COL1A2: variants seen among roughly 807,000 people sequenced by gnomAD.
COL1A2 encodes collagen alpha-2(I) chain.
In COL1A2, 49 loss-of-function variants were observed where a neutral mutation model predicts 174.3. The observed-to-expected ratio is 0.28, with a 90% CI of 0.22 to 0.36. COL1A2 has a LOEUF of 0.36. Among genes scored for constraint, COL1A2 ranks in the 10% least tolerant of loss-of-function variants. The probability of loss-of-function intolerance (pLI) is 1.00; values close to 1 mark genes in which losing one functional copy is unlikely to be tolerated. For missense variants in COL1A2, 1,438 were observed against 1,822.7 expected, an observed-to-expected ratio of 0.79 and a Z score of 3.84; for synonymous variants, 655 against 606.6, an observed-to-expected ratio of 1.08 and a Z score of -1.17.
chr7:94,406,182 A>G, intron 11 of COL1A2, 68 bp from the exon 12 acceptor site: 2 of 1,508,734 alleles, frequency 1.3e-6, no homozygotes, highest in Non-Finnish European at 1.8e-6. Context: ...GCAAAGATAT[A>G]CAATACAATT....
chr7:94,410,939 C>T lies in COL1A2; in HGVS notation c.1248C>T (p.Val416=), dbSNP rs776042293. 5.6e-6 allele frequency: 9 copies of T among 1,613,864 alleles called. No homozygotes were observed. In the South Asian group the frequency reaches 9.9e-5, roughly 18 times the overall value. Residue 416 remains valine, a synonymous_variant, in exon 22 of 52, where the codon GTC becomes GTT. Transcript: ENST00000297268. ...GLPGADGRAG[V]MGPPGSRGAS... is the part of the protein sequence containing the mutation. ...CTGGAGCTGATGGCAGAGCTGGCGT[C>T]ATGGTAAGCTGTCTATCACTTACTT... is the stretch of plus-strand genomic sequence containing the variant.
chr7:94,421,078 G>C lies in COL1A2; in HGVS notation c.2349+16G>C, dbSNP rs112603291. 7.3e-4 allele frequency: 1,172 copies of C among 1,613,732 alleles called. 9 individuals carry two copies. The African/African-American group carries it at 0.014, about 19-fold the overall frequency. ...AGGCCCCCCTGTGAGTATTTACAAT[G>C]GACTCTCGCCGCTTTTCTTTTTTCA... On this transcript the variant is annotated intron_variant, in intron 38 of 51. Coordinates refer to ENST00000297268, the MANE Select transcript of COL1A2 (RefSeq NM_000089.4).
intron 16 of COL1A2, 104 bp from the exon 17 acceptor site, chr7:94,409,218 T>G: frequency 9.5e-7 from 1 of 1,047,356 alleles, no homozygotes; most frequent in Non-Finnish European, 1.5e-6. Context: ...ATAATTGCAA[T>G]TTTGAAGTTT....
chr7:94,401,544 ATT>A (rs199593359), intron 5 of COL1A2, 21 bp from the exon 6 acceptor site: 184 of 947,742 alleles, frequency 1.9e-4, no homozygotes, highest in South Asian at 2.9e-4. Flanking sequence ...TATATATATA[ATT>A]TTTTTTTTTT....
chr7:94,412,776 C>T (rs1209977512), intron 25 of COL1A2, 94 bp downstream of exon 25: 2 of 1,110,880 alleles, frequency 1.8e-6, no homozygotes, highest in Non-Finnish European at 1.4e-6. Flanking sequence ...AGTCCAGTCT[C>T]AGGGAGTTTC....
intron 1 of COL1A2, chr7:94,395,429 G>A: frequency 2.6e-6 from 1 of 378,488 alleles, no homozygotes; most frequent in Non-Finnish European, 5.1e-6. Context: ...CAATGTGGTG[G>A]AGGAAGTCAA....
At chr7:94,401,540 T>C in intron 5 of COL1A2, 27 bp from the exon 6 acceptor site, 1 of 1,143,910 alleles carries the variant, frequency 8.7e-7, no homozygotes, top group Non-Finnish European at 1.1e-6. Context: ...TATATATATA[T>C]ATAATTTTTT....
intron 51 of COL1A2, chr7:94,429,697 C>A: frequency 2.5e-6 from 1 of 392,860 alleles, no homozygotes; most frequent in Non-Finnish European, 4.5e-6. Flanking sequence ...ATACTATGTC[C>A]ATGCATTGTT....
intron 31 of COL1A2, chr7:94,416,743 G>C (rs970155529): frequency 1.1e-5 from 6 of 535,606 alleles, no homozygotes; most frequent in Admixed American, 9.7e-5. Context: ...GAATTAGTAT[G>C]GGTTGTCACT....
intron 11 of COL1A2, 136 bp downstream of exon 11, chr7:94,405,862 G>C: frequency 2.4e-6 from 2 of 820,402 alleles, no homozygotes; most frequent in Non-Finnish European, 4.2e-6. Flanking sequence ...AAGAGTTAAA[G>C]AGTCAGATTT....
At chr7:94,409,122 A>C (rs557458285) in intron 16 of COL1A2, among the ~76,000 whole-genome samples, 200 bp from the exon 17 acceptor site, 5 of 152,314 alleles carry the variant, frequency 3.3e-5, no homozygotes, top group African/African-American at 1.2e-4. Flanking sequence ...AGGAGAGGGA[A>C]GGTAGTAACA....
At chr7:94,427,404 A>G (rs1406003055) in intron 48 of COL1A2, 109 bp downstream of exon 48, 2 of 1,157,268 alleles carry the variant, frequency 1.7e-6, no homozygotes, top group African/African-American at 3.1e-5. Flanking sequence ...CCCCATTTCA[A>G]TATATCCTCT....
At position 94,407,841 on chromosome 7, in the gene COL1A2, A is replaced by G. The variant is rs371733039; in HGVS notation, c.595-6A>G. ...ATGAACAAAAACTCAATCCTTCTCC[A>G]TGTAGGGTGAACCTGGTGCCCCTGG... On this transcript the variant is annotated splice_region_variant and splice_polypyrimidine_tract_variant and intron_variant, in intron 12 of 51. Coordinates refer to ENST00000297268, the MANE Select transcript of COL1A2 (RefSeq NM_000089.4). 1 of 1,613,602 alleles carries G rather than the reference A, an allele frequency of 6.2e-7. No individual in the cohort carries two copies. The highest frequency in any genetic ancestry group is 1.3e-5 in the African/African-American group (1 of 74,940).
At position 94,416,517 on chromosome 7, in the gene COL1A2, TTTTC is replaced by T. The variant is rs1005335915; in HGVS notation, c.1863+16_1863+19del. ...GATGGAAACAAGGTAAAATCTTATG[TTTTC>T]TATATTGCTGGTTTGGCCCAGTCTG... On this transcript the variant is annotated intron_variant, in intron 31 of 51. Coordinates refer to ENST00000297268, the MANE Select transcript of COL1A2 (RefSeq NM_000089.4). The T allele has an allele frequency of 1.3e-6, 2 of 1,548,252 alleles. No homozygotes were observed. Among genetic ancestry groups the T allele is most frequent in the Non-Finnish European group, 1.8e-6 (2 of 1,141,852 alleles).
At chr7:94,402,850 C>T (rs1791714769) in intron 6 of COL1A2, among the ~76,000 whole-genome samples, 4 of 152,056 alleles carry the variant, frequency 2.6e-5, no homozygotes, top group Admixed American at 2.6e-4. Flanking sequence ...GCTAATGGCC[C>T]ACAGTAAGCT....
rs541912705 is a variant in COL1A2 at position 94,420,627 on chromosome 7, C to T, written c.2274C>T (p.Pro758=). ...GENGVVGPTG[P]VGAAGPAGPN... Reference sequence around the variant, plus strand: ...ACGGTGTTGTTGGTCCCACAGGCCCCGTTGGAGCTGCTGGCCCAGCTGTAA... The same window carrying T: ...ACGGTGTTGTTGGTCCCACAGGCCCTGTTGGAGCTGCTGGCCCAGCTGTAA... The change falls in exon 37 of 52, where the codon CCC becomes CCT. Residue 758 remains proline (P), a synonymous_variant. Transcript: ENST00000297268. 63 of 1,604,144 alleles carry T rather than the reference C, an allele frequency of 3.9e-5. 1 individual carries two copies. The highest frequency in any genetic ancestry group is 3.2e-4 in the South Asian group (29 of 89,526).
chr7:94,427,522 TGA>T lies in COL1A2; in HGVS notation c.3268-102_3268-101del, dbSNP rs927016373. 4 of 1,360,176 alleles carry T rather than the reference TGA, an allele frequency of 2.9e-6. No homozygotes were observed. The African/African-American group carries it at 5.8e-5, about 20-fold the overall frequency. 84.3% of individuals were successfully genotyped at this position (1,360,176 alleles called of 1,614,324 possible). ...TGTGAACTTGATTATTTTTTACTGA[TGA>T]GAACATGCTTCCGTGTGAAGCTCAA... On this transcript the variant is annotated intron_variant, in intron 48 of 51. Transcript: ENST00000297268.
chr7:94,420,759 T>G, intron 37 of COL1A2, 111 bp downstream of exon 37: 1 of 1,054,274 alleles, frequency 9.5e-7, no homozygotes, highest in Non-Finnish European at 1.4e-6. Flanking sequence ...AGATAGAAGA[T>G]GGAAAATAAC....
intron 31 of COL1A2, among the ~76,000 whole-genome samples, chr7:94,417,183 T>C (rs1792059693): frequency 6.6e-6 from 1 of 151,980 alleles, no homozygotes; most frequent in African/African-American, 2.4e-5. Flanking sequence ...AGAGAGGAAA[T>C]AAAGAAACCA....
Sources: allele counts gnomAD v4.1 joint callset (sites outside exome capture counted in the v4.1 genomes callset), GRCh38; gene constraint gnomAD v4.1.1; transcripts MANE v1.5; gene names NCBI Gene and HGNC (gene_info 2026-07-23, HGNC 2026-07-21).